PRELID2: variants seen among roughly 807,000 people sequenced by gnomAD.
PRELID2 encodes PRELI domain-containing protein 2.
In PRELID2, 25 loss-of-function variants were observed where a neutral mutation model predicts 28.4. The ratio of observed to expected loss-of-function variants is 0.88; its 90% CI spans 0.64 to 1.23. The LOEUF is 1.23. Ranked by LOEUF, PRELID2 falls within the 50% of genes most tolerant of loss-of-function variation. PRELID2 has a pLI of 0.00. For synonymous variants in PRELID2, 76 were observed against 71.6 expected (o/e 1.06, Z -0.31); for missense variants, 201 against 214.4 (o/e 0.94, Z 0.39).
At chr5:145,693,839 T>C (rs1310876131) in intron 1 of PRELID2, among the ~76,000 whole-genome samples, 1 of 152,218 alleles carries the variant, frequency 6.6e-6, no homozygotes, top group African/African-American at 2.4e-5. Flanking sequence ...AAACACTCTA[T>C]AGACTTTACA....
intron 1 of PRELID2, among the ~76,000 whole-genome samples, chr5:145,661,736 G>C (rs376577854): frequency 6.7e-6 from 1 of 149,130 alleles, no homozygotes; most frequent in African/African-American, 2.5e-5. Context: ...TACATTAGCC[G>C]CCTGAGAATA....
chr5:145,650,466 T>A (rs572685138), intron 1 of PRELID2, among the ~76,000 whole-genome samples: 1 of 147,386 alleles, frequency 6.8e-6, no homozygotes, highest in African/African-American at 2.5e-5. Context: ...ACAATCTGGT[T>A]TGGCATCACC....
chr5:145,578,048 A>G (rs1477271949), intron 1 of PRELID2, among the ~76,000 whole-genome samples: 1 of 152,128 alleles, frequency 6.6e-6, no homozygotes, highest in Non-Finnish European at 1.5e-5. Context: ...TTTCCCCAAC[A>G]TTCTGCAGTT....
intron 1 of PRELID2, among the ~76,000 whole-genome samples, chr5:145,504,392 TA>T (rs1358688040): frequency 1.3e-5 from 2 of 152,198 alleles, no homozygotes; most frequent in Non-Finnish European, 2.9e-5. Context: ...CTAATTTCCT[TA>T]ACTACAAAGC....
intron 1 of PRELID2, among the ~76,000 whole-genome samples, chr5:145,590,120 T>G (rs1466286863): frequency 3.9e-5 from 6 of 152,166 alleles, no homozygotes; most frequent in Admixed American, 3.3e-4. Flanking sequence ...TCCCTACATT[T>G]AGAGCTCACT....
the PRELID2 span, among the ~76,000 whole-genome samples, chr5:145,450,405 G>A: frequency 6.6e-6 from 1 of 152,122 alleles, no homozygotes; most frequent in Admixed American, 6.6e-5. Context: ...TGGTGGAAAA[G>A]CTGCTAAGCC....
At chr5:145,458,816 T>C in the PRELID2 span, among the ~76,000 whole-genome samples, 1 of 151,380 alleles carries the variant, frequency 6.6e-6, no homozygotes, top group East Asian at 1.9e-4. Flanking sequence ...TGGGCATTTG[T>C]TTCTTTTATT....
chr5:145,796,356 C>A (rs1015129749), intron 5 of PRELID2, 86 bp downstream of exon 5: 2 of 713,314 alleles, frequency 2.8e-6, no homozygotes, highest in Non-Finnish European at 4.6e-6. Context: ...CTCATTATGT[C>A]TGCTCATGAG....
the PRELID2 span, among the ~76,000 whole-genome samples, chr5:145,451,633 A>G: frequency 6.6e-6 from 1 of 152,108 alleles, no homozygotes; most frequent in Non-Finnish European, 1.5e-5. Context: ...TCTTTCTATT[A>G]TGGGTATATG....
At chr5:145,812,216 T>C (rs995400960) in intron 4 of PRELID2, among the ~76,000 whole-genome samples, 3 of 151,926 alleles carry the variant, frequency 2.0e-5, no homozygotes, top group African/African-American at 7.3e-5. Flanking sequence ...GTGGACAAAT[T>C]AGTACGCTGA....
intron 4 of PRELID2, among the ~76,000 whole-genome samples, chr5:145,797,862 T>G (rs561582523): frequency 6.6e-6 from 1 of 151,658 alleles, no homozygotes; most frequent in Admixed American, 6.6e-5. Context: ...AAAATAAATC[T>G]CTAGAAACCA....
chr5:145,350,368 G>A, the PRELID2 span, among the ~76,000 whole-genome samples: 5 of 152,266 alleles, frequency 3.3e-5, no homozygotes, highest in Non-Finnish European at 7.4e-5. Flanking sequence ...AACTCATTAG[G>A]CAGGTAAGAG....
the PRELID2 span, among the ~76,000 whole-genome samples, chr5:145,396,809 G>C: frequency 1.3e-5 from 2 of 151,970 alleles, no homozygotes; most frequent in Admixed American, 1.3e-4. Flanking sequence ...TCAATAACAC[G>C]GGTGGAGGAT....
the PRELID2 span, among the ~76,000 whole-genome samples, chr5:145,247,949 C>T: frequency 2.2e-3 from 341 of 152,142 alleles, 1 homozygote; most frequent in African/African-American, 8.0e-3. Context: ...TAAAAAAGGG[C>T]CAAACACTTC....
intron 5 of PRELID2, among the ~76,000 whole-genome samples, chr5:145,792,626 C>A (rs893020893): frequency 5.3e-5 from 8 of 152,040 alleles, no homozygotes; most frequent in Non-Finnish European, 1.2e-4. Flanking sequence ...AGCATTCTAC[C>A]CAATGCCTGG....
At chr5:145,685,610 G>C (rs2149691976) in intron 1 of PRELID2, among the ~76,000 whole-genome samples, 1 of 152,220 alleles carries the variant, frequency 6.6e-6, no homozygotes, top group African/African-American at 2.4e-5. Context: ...TCTGTTTCAG[G>C]AGTGCTATAA....
chr5:145,549,338 G>A (rs1435682952), intron 1 of PRELID2, among the ~76,000 whole-genome samples: 2 of 152,144 alleles, frequency 1.3e-5, no homozygotes, highest in African/African-American at 4.8e-5. Flanking sequence ...ATGAATGAAT[G>A]AACTTAAATA....
intron 5 of PRELID2, among the ~76,000 whole-genome samples, chr5:145,766,990 C>T (rs1231102214): frequency 6.6e-6 from 1 of 152,100 alleles, no homozygotes; most frequent in African/African-American, 2.4e-5. Flanking sequence ...GGACAGGTGG[C>T]AGGAAAATAC....
At chr5:145,629,963 C>T (rs752058363) in intron 1 of PRELID2, among the ~76,000 whole-genome samples, 18 of 152,144 alleles carry the variant, frequency 1.2e-4, no homozygotes, top group Non-Finnish European at 2.4e-4. Flanking sequence ...AGGGTCCTAA[C>T]TGTGAAGGAA....
Sources: gnomAD v4.1 joint callset for allele counts (sites outside exome capture counted in the v4.1 genomes callset) on GRCh38, gnomAD v4.1.1 for gene constraint, MANE v1.5 for transcripts, NCBI Gene and HGNC (gene_info 2026-07-23, HGNC 2026-07-21) for gene names.